Variants in SH3GL3 observed in about 807,000 individuals in gnomAD.
The protein encoded by SH3GL3 is endophilin-A3.
Under a neutral mutation model 47.7 loss-of-function variants are expected in SH3GL3, and 33 were observed. The observed-to-expected ratio is 0.69, with a 90% CI of 0.52 to 0.92. The LOEUF is 0.92. Among genes scored for constraint, SH3GL3 ranks in the 40% least tolerant of loss-of-function variants. SH3GL3 has a pLI of 0.00. For missense variants in SH3GL3, 363 were observed against 417.8 expected (o/e 0.87, Z 1.14); for synonymous variants, 155 against 148.8 (o/e 1.04, Z -0.30).
chr15:83,606,124 C>T (rs947293627), intron 8 of SH3GL3, among the ~76,000 whole-genome samples: 14 of 151,990 alleles, frequency 9.2e-5, no homozygotes, highest in African/African-American at 3.4e-4. Context: ...ATGCCCCAAA[C>T]TGGGACCTGC....
At chr15:83,604,661 C>T (rs1596339384) in intron 8 of SH3GL3, among the ~76,000 whole-genome samples, 1 of 152,100 alleles carries the variant, frequency 6.6e-6, no homozygotes, top group African/African-American at 2.4e-5. Context: ...TTATTGGCTA[C>T]TTACTATGGG....
rs185498230 is a variant in SH3GL3 at position 83,617,935 on chromosome 15, G to A, written c.839-147G>A. The stretch of plus-strand genomic sequence containing the variant: ...GCTGAGGCAGCCAGAGACCACAAAC[G>A]GCACCGTGAGCTGGGTGGAGCTGGC... On this transcript the variant is annotated intron_variant, in intron 8 of 8. Coordinates refer to ENST00000427482, the MANE Select transcript of SH3GL3 (RefSeq NM_003027.5). 5.3e-4 allele frequency: 331 copies of A among 621,412 alleles called. No individual in the cohort carries two copies. The African/African-American group carries it at 5.6e-3, about 11-fold the overall frequency. 38.5% of individuals were successfully genotyped at this position (621,412 alleles called of 1,614,324 possible). A position where few individuals can be genotyped will look rare whatever the true frequency, so the allele number is the denominator to read the frequency against.
At chr15:83,466,481 G>A (rs2040574786) in intron 1 of SH3GL3, among the ~76,000 whole-genome samples, 1 of 151,754 alleles carries the variant, frequency 6.6e-6, no homozygotes, top group South Asian at 2.1e-4. Context: ...GCCCCAAGAT[G>A]GAAACACCCA....
intron 1 of SH3GL3, among the ~76,000 whole-genome samples, chr15:83,511,986 T>A (rs780971460): frequency 2.6e-5 from 4 of 152,164 alleles, no homozygotes; most frequent in Non-Finnish European, 4.4e-5. Context: ...TCACTCTCCA[T>A]GAGTTTTTGC....
chr15:83,479,499 A>C lies in SH3GL3; in HGVS notation c.45+31921A>C, dbSNP rs938373362. 2.6e-5 allele frequency among the ~76,000 whole-genome samples: 4 copies of C among 152,200 alleles called. No homozygotes were observed. The East Asian group carries it at 7.7e-4, about 29-fold the overall frequency. ...TAACTGGAGCTCATTCTTCCTAGGG[A>C]ACTCTCACAGACAGCATAGAAGCCA... On this transcript the variant is annotated intron_variant, in intron 1 of 8. Transcript: ENST00000427482.
chr15:83,517,891 A>T (rs1405004323), intron 1 of SH3GL3, among the ~76,000 whole-genome samples: 1 of 151,816 alleles, frequency 6.6e-6, no homozygotes, highest in Admixed American at 6.6e-5. Context: ...TTCACCCCTC[A>T]CCTCCAGTTC....
At chr15:83,594,882 A>G (rs911158373) in intron 8 of SH3GL3, among the ~76,000 whole-genome samples, 2 of 152,218 alleles carry the variant, frequency 1.3e-5, no homozygotes, top group African/African-American at 4.8e-5. Context: ...GAGTAATGAG[A>G]CAGCTTATAC....
intron 2 of SH3GL3, among the ~76,000 whole-genome samples, chr15:83,563,248 G>T (rs1369419479): frequency 6.6e-6 from 1 of 151,854 alleles, no homozygotes; most frequent in African/African-American, 2.4e-5. Flanking sequence ...TTTTCCTTAT[G>T]ATTAAAGAGT....
chr15:83,489,837 CGATAGATAGATAGATAGATAGATA>C lies in SH3GL3; in HGVS notation c.45+42288_45+42311del, dbSNP rs60233650. Among the ~76,000 whole-genome samples, 525 of 144,748 alleles carry C rather than the reference CGATAGATAGATAGATAGATAGATA, an allele frequency of 3.6e-3. 4 individuals carry two copies. The highest frequency in any genetic ancestry group is 9.4e-3 in the African/African-American group (367 of 38,846). 95.0% of individuals were successfully genotyped at this position (144,748 alleles called of 152,430 possible). ...CAGTTTAGTAGGAATTGTCAGAAGC[CGATAGATAGATAGATAGATAGATA>C]GATAGATAGATAGATAGATAGATAG... is the stretch of plus-strand genomic sequence containing the variant. On this transcript the variant is annotated intron_variant, in intron 1 of 8. Transcript: ENST00000427482.
chr15:83,487,467 G>T (rs1158062203), intron 1 of SH3GL3, among the ~76,000 whole-genome samples: 2 of 152,040 alleles, frequency 1.3e-5, no homozygotes, highest in Non-Finnish European at 2.9e-5. Context: ...TATTTTGGGG[G>T]AATGTGCCCT....
chr15:83,517,613 C>G (rs1038996418), intron 1 of SH3GL3, among the ~76,000 whole-genome samples: 1 of 152,080 alleles, frequency 6.6e-6, no homozygotes, highest in African/African-American at 2.4e-5. Flanking sequence ...GTCTGCCCAA[C>G]TATTTTGTCC....
chr15:83,568,779 C>A, intron 4 of SH3GL3, 107 bp downstream of exon 4: 2 of 743,746 alleles, frequency 2.7e-6, no homozygotes, highest in Non-Finnish European at 4.3e-6. Context: ...TTCCATATTA[C>A]CAAAGTAATA....
intron 1 of SH3GL3, among the ~76,000 whole-genome samples, chr15:83,479,439 G>A (rs2041244013): frequency 6.6e-6 from 1 of 152,068 alleles, no homozygotes; most frequent in Non-Finnish European, 1.5e-5. Context: ...AGCCAATCAA[G>A]GTGCACTATT....
At chr15:83,544,004 A>T in intron 1 of SH3GL3, among the ~76,000 whole-genome samples, 2 of 151,094 alleles carry the variant, frequency 1.3e-5, no homozygotes, top group Admixed American at 6.6e-5. Context: ...TTTCTTTTTC[A>T]ATTTTATTTA....
At chr15:83,584,209 C>T (rs777650136) in intron 6 of SH3GL3, among the ~76,000 whole-genome samples, 3 of 152,150 alleles carry the variant, frequency 2.0e-5, no homozygotes, top group Non-Finnish European at 2.9e-5. Context: ...TCTTCACAGC[C>T]AGCGGCACAG....
At position 83,508,462 on chromosome 15, in the gene SH3GL3, T is replaced by A. The variant is rs562222873; in HGVS notation, c.46-50791T>A. On this transcript the variant is annotated intron_variant, in intron 1 of 8. Transcript: ENST00000427482. ...AGTGAGTGAGGGAGTCAAGGTTGGTTAGGGAGGGATAGAGTAGGGGACAGA... is the reference window on the plus strand; with the variant it reads ...AGTGAGTGAGGGAGTCAAGGTTGGTAAGGGAGGGATAGAGTAGGGGACAGA... 2.2e-4 allele frequency among the ~76,000 whole-genome samples: 34 copies of A among 151,906 alleles called. No individual in the cohort carries two copies. In the South Asian group the frequency reaches 6.7e-3, roughly 30 times the overall value.
downstream of SH3GL3, among the ~76,000 whole-genome samples, chr15:83,619,086 G>A (rs967043689): frequency 1.2e-4 from 18 of 152,268 alleles, no homozygotes; most frequent in Admixed American, 1.1e-3. Context: ...ATCCTCTTAG[G>A]CTCAGTGAAC....
At position 83,481,063 on chromosome 15, in the gene SH3GL3, G is replaced by A. The variant is rs185467804; in HGVS notation, c.45+33485G>A. 4.8e-3 allele frequency among the ~76,000 whole-genome samples: 724 copies of A among 152,230 alleles called. 4 individuals are homozygous for A. Among genetic ancestry groups the A allele is most frequent in the Non-Finnish European group, 7.9e-3 (539 of 68,008 alleles). ...GGCCGAGGCGGGCGGATCACCTGAG[G>A]TTAGGAGTTCGAGACCAGGCTGGCC... On this transcript the variant is annotated intron_variant, in intron 1 of 8. Coordinates refer to ENST00000427482, the MANE Select transcript of SH3GL3 (RefSeq NM_003027.5).
chr15:83,573,587 G>A (rs768750695), intron 5 of SH3GL3, among the ~76,000 whole-genome samples: 5 of 152,198 alleles, frequency 3.3e-5, no homozygotes, highest in African/African-American at 1.2e-4. Flanking sequence ...TCCAGAACTC[G>A]AGGGGGAAGT....
Sources: gnomAD v4.1 joint callset for allele counts (sites outside exome capture counted in the v4.1 genomes callset) on GRCh38, gnomAD v4.1.1 for gene constraint, MANE v1.5 for transcripts, NCBI Gene and HGNC (gene_info 2026-07-23, HGNC 2026-07-21) for gene names.